The following GULP1 variants were observed in gnomAD, a reference collection of about 807,000 sequenced individuals.
The protein encoded by GULP1 is GULP PTB domain containing engulfment adaptor 1.
GULP1 carries 19 observed loss-of-function variants against 40.9 expected under a neutral mutation model. The ratio of observed to expected loss-of-function variants is 0.46; its 90% CI spans 0.32 to 0.68. The LOEUF is 0.68. Among genes scored for constraint, GULP1 ranks in the 30% least tolerant of loss-of-function variants. The pLI, the probability that GULP1 is intolerant of heterozygous loss-of-function variation, is 0.03. For synonymous variants in GULP1, 119 were observed against 117.6 expected, an observed-to-expected ratio of 1.01 and a Z score of -0.08; for missense variants, 312 against 362.2, an observed-to-expected ratio of 0.86 and a Z score of 1.12.
At chr2:188,580,548 G>C (rs1374355828) in intron 9 of GULP1, among the ~76,000 whole-genome samples, 1 of 50,684 alleles carries the variant, frequency 2.0e-5, no homozygotes, top group African/African-American at 5.5e-5. Flanking sequence ...GCGAGACTCC[G>C]TCTCAAAAAA....
chr2:188,298,967 G>A (rs2035583551), intron 1 of GULP1, among the ~76,000 whole-genome samples: 1 of 152,152 alleles, frequency 6.6e-6, no homozygotes, highest in Non-Finnish European at 1.5e-5. Context: ...CAAGGGAGGA[G>A]AAGGGGATCT....
intron 2 of GULP1, among the ~76,000 whole-genome samples, chr2:188,403,537 A>G (rs2052617478): frequency 6.6e-6 from 1 of 152,178 alleles, no homozygotes; most frequent in African/African-American, 2.4e-5. Flanking sequence ...TCTTAGATAG[A>G]AGAAAAAATA....
At chr2:188,313,684 A>T (rs1210631471) in intron 1 of GULP1, among the ~76,000 whole-genome samples, 1 of 152,154 alleles carries the variant, frequency 6.6e-6, no homozygotes, top group Non-Finnish European at 1.5e-5. Context: ...AATGTCATTG[A>T]GTCTATGAAT....
At chr2:188,389,169 G>T in intron 2 of GULP1, among the ~76,000 whole-genome samples, 1 of 151,986 alleles carries the variant, frequency 6.6e-6, no homozygotes, top group East Asian at 1.9e-4. Context: ...TGTTATTGTT[G>T]GTAAAATTTG....
chr2:188,589,338 A>G (rs1703043683), intron 11 of GULP1: 1 of 153,900 alleles, frequency 6.5e-6, no homozygotes, highest in African/African-American at 2.4e-5. Flanking sequence ...AAACTTTCAA[A>G]TGGCGCATGA....
intron 11 of GULP1, 169 bp from the exon 12 acceptor site, chr2:188,593,771 C>G: frequency 2.0e-6 from 1 of 490,754 alleles, no homozygotes; most frequent in East Asian, 3.0e-5. Flanking sequence ...AAAGAACTAC[C>G]AGTGCTATAC....
intron 2 of GULP1, among the ~76,000 whole-genome samples, chr2:188,387,976 C>T (rs1236540716): frequency 6.6e-6 from 1 of 151,730 alleles, no homozygotes; most frequent in Non-Finnish European, 1.5e-5. Context: ...GTGTGCTGCA[C>T]CCGTTAACTC....
chr2:188,325,702 G>A (rs955514293), intron 1 of GULP1, among the ~76,000 whole-genome samples: 1 of 152,030 alleles, frequency 6.6e-6, no homozygotes, highest in African/African-American at 2.4e-5. Context: ...GACTAATAGG[G>A]CAGGGAATAA....
intron 1 of GULP1, among the ~76,000 whole-genome samples, chr2:188,314,376 A>G (rs1188111982): frequency 2.0e-5 from 3 of 152,116 alleles, no homozygotes; most frequent in Non-Finnish European, 4.4e-5. Flanking sequence ...TATCCTGTAA[A>G]GTGAAAAATA....
At chr2:188,483,338 A>C (rs2061583444) in intron 3 of GULP1, 93 bp from the exon 4 acceptor site, 2 of 559,350 alleles carry the variant, frequency 3.6e-6, no homozygotes, top group East Asian at 6.0e-5. Flanking sequence ...AGAATTAGAA[A>C]TACTCTGTGT....
intron 7 of GULP1, chr2:188,541,523 G>A: frequency 3.2e-6 from 2 of 624,296 alleles, no homozygotes; most frequent in South Asian, 2.0e-5. Context: ...AATTCTCATG[G>A]TCATGAGCAT....
intron 5 of GULP1, among the ~76,000 whole-genome samples, chr2:188,524,668 AT>A (rs1352054443): frequency 2.0e-5 from 3 of 150,960 alleles, no homozygotes; most frequent in Non-Finnish European, 1.5e-5. Context: ...TACTAAGAAT[AT>A]TTTTTAAATG....
At chr2:188,442,978 T>G (rs1445217230) in intron 2 of GULP1, among the ~76,000 whole-genome samples, 1 of 152,098 alleles carries the variant, frequency 6.6e-6, no homozygotes, top group Non-Finnish European at 1.5e-5. Context: ...ATAAACAGTC[T>G]TAGGAGACTG....
intron 6 of GULP1, among the ~76,000 whole-genome samples, chr2:188,537,101 C>A (rs184682178): frequency 6.6e-6 from 1 of 151,876 alleles, no homozygotes; most frequent in East Asian, 1.9e-4. Flanking sequence ...TCTTTAGGAT[C>A]TTCTAGGTAG....
chr2:188,301,851 C>G (rs966381187), intron 1 of GULP1, among the ~76,000 whole-genome samples: 2 of 152,126 alleles, frequency 1.3e-5, no homozygotes, highest in Non-Finnish European at 2.9e-5. Context: ...GGAGATTCAG[C>G]TTGAGGGCAA....
intron 1 of GULP1, among the ~76,000 whole-genome samples, chr2:188,303,264 A>G (rs1217754904): frequency 6.6e-6 from 1 of 152,160 alleles, no homozygotes; most frequent in Non-Finnish European, 1.5e-5. Context: ...GGTGGTAGGA[A>G]TAACCCAAAT....
chr2:188,364,478 G>A (rs1243429924), intron 1 of GULP1, among the ~76,000 whole-genome samples: 3 of 152,152 alleles, frequency 2.0e-5, no homozygotes, highest in Non-Finnish European at 4.4e-5. Context: ...CTCCAGGGAA[G>A]GATGAAGAGG....
intron 2 of GULP1, among the ~76,000 whole-genome samples, chr2:188,437,531 T>C (rs1450744661): frequency 6.6e-6 from 1 of 152,086 alleles, no homozygotes; most frequent in African/African-American, 2.4e-5. Flanking sequence ...TTAGTAGTTC[T>C]GAGTTCAAAG....
chr2:188,510,877 A>G (rs539661893), intron 4 of GULP1, among the ~76,000 whole-genome samples: 1 of 151,786 alleles, frequency 6.6e-6, no homozygotes, highest in South Asian at 2.1e-4. Flanking sequence ...TCAAGAACCA[A>G]AACCCAAATC....
Sources: gnomAD v4.1 joint callset for allele counts (sites outside exome capture counted in the v4.1 genomes callset) on GRCh38, gnomAD v4.1.1 for gene constraint, MANE v1.5 for transcripts, NCBI Gene and HGNC (gene_info 2026-07-23, HGNC 2026-07-21) for gene names.